C1QTNF7: variants seen among roughly 807,000 people sequenced by gnomAD.
The protein encoded by C1QTNF7 is complement C1q tumor necrosis factor-related protein 7.
A neutral mutation model predicts 19.6 loss-of-function variants in C1QTNF7; 15 were observed. That is an observed-to-expected ratio of 0.76 (90% CI 0.51 to 1.18). C1QTNF7 has a LOEUF of 1.18. Ranked by LOEUF, C1QTNF7 falls within the 50% of genes most tolerant of loss-of-function variation. C1QTNF7 has a pLI of 0.00. For synonymous variants in C1QTNF7, 142 were observed against 137.5 expected (o/e 1.03, Z -0.23); for missense variants, 324 against 359.7 (o/e 0.90, Z 0.80).
chr4:15,424,231 A>G (rs1470938190), upstream of C1QTNF7, among the ~76,000 whole-genome samples: 1 of 152,180 alleles, frequency 6.6e-6, no homozygotes, highest in African/African-American at 2.4e-5. Flanking sequence ...ATACTTGTCC[A>G]TCTCCATGGC....
intron 1 of C1QTNF7, among the ~76,000 whole-genome samples, chr4:15,367,740 G>T (rs1717577021): frequency 1.3e-5 from 2 of 152,106 alleles, no homozygotes; most frequent in Admixed American, 1.3e-4. Context: ...CAGTGGTAAA[G>T]ATTAATTAAG....
chr4:15,371,580 C>T (rs903731783), intron 1 of C1QTNF7, among the ~76,000 whole-genome samples: 1 of 152,028 alleles, frequency 6.6e-6, no homozygotes, highest in African/African-American at 2.4e-5. Flanking sequence ...TTGCTATAAC[C>T]ACTACAATAA....
Position 15,435,857 on chromosome 4 carries a change from C to T in C1QTNF7, c.114C>T (p.Gly38=), listed in dbSNP as rs761535694. 2 of 1,614,098 alleles carry T rather than the reference C, an allele frequency of 1.2e-6. No individual in the cohort carries two copies. Among genetic ancestry groups the T allele is most frequent in the East Asian group, 2.2e-5 (1 of 44,862 alleles). ...YSPRYICSIP[G]LPGPPGPPGA... is the part of the protein sequence containing the mutation. ...CCAGGTATATCTGCAGCATTCCTGG[C>T]TTGCCTGGACCTCCAGGGCCCCCTG... Residue 38 remains glycine (G), a synonymous_variant, in exon 2 of 3, where the codon GGC becomes GGT. Transcript: ENST00000444304.
upstream of C1QTNF7, among the ~76,000 whole-genome samples, chr4:15,423,777 C>T (rs1711902581): frequency 6.6e-6 from 1 of 152,208 alleles, no homozygotes; most frequent in Non-Finnish European, 1.5e-5. Context: ...TTCTCTCAGC[C>T]TGGATGTGTT....
chr4:15,384,720 T>G (rs141770168), intron 1 of C1QTNF7, among the ~76,000 whole-genome samples: 7 of 152,356 alleles, frequency 4.6e-5, no homozygotes, highest in Admixed American at 2.0e-4. Flanking sequence ...AAGCATAAAC[T>G]TTACTGGGCC....
intron 1 of C1QTNF7, among the ~76,000 whole-genome samples, chr4:15,387,152 C>G (rs1718368958): frequency 6.6e-6 from 1 of 152,124 alleles, no homozygotes; most frequent in South Asian, 2.1e-4. Flanking sequence ...AAAGGAGAAT[C>G]AAAGGGGACT....
intron 1 of C1QTNF7, among the ~76,000 whole-genome samples, chr4:15,352,397 C>T (rs187343326): frequency 6.6e-6 from 1 of 152,238 alleles, no homozygotes; most frequent in East Asian, 1.9e-4. Context: ...CCCCAAGGCC[C>T]ACGGTCTTTT....
intron 1 of C1QTNF7, among the ~76,000 whole-genome samples, chr4:15,350,357 A>AAGGAG (rs1716893077): frequency 2.1e-5 from 1 of 48,678 alleles, no homozygotes; most frequent in African/African-American, 1.4e-4. Flanking sequence ...GGAGGGAGGG[A>AAGGAG]GGAAGGAAAA....
intron 1 of C1QTNF7, among the ~76,000 whole-genome samples, chr4:15,395,832 G>A (rs1287370164): frequency 6.6e-6 from 1 of 152,158 alleles, no homozygotes; most frequent in Non-Finnish European, 1.5e-5. Context: ...ATGAAGCTGG[G>A]AGGGGTAAGT....
At chr4:15,366,759 C>T (rs1717537984) in intron 1 of C1QTNF7, among the ~76,000 whole-genome samples, 1 of 152,160 alleles carries the variant, frequency 6.6e-6, no homozygotes, top group African/African-American at 2.4e-5. Context: ...TGGACTAAAA[C>T]AAGCAAGCCT....
upstream of C1QTNF7, among the ~76,000 whole-genome samples, chr4:15,424,460 G>T (rs1415245478): frequency 6.6e-6 from 1 of 152,156 alleles, no homozygotes; most frequent in African/African-American, 2.4e-5. Flanking sequence ...CGGGGTGAAG[G>T]TGTTCCTTGG....
intron 1 of C1QTNF7, among the ~76,000 whole-genome samples, chr4:15,379,106 T>C (rs12642147): frequency 0.13 from 19,648 of 152,242 alleles, 1,600 homozygotes; most frequent in East Asian, 0.39. Context: ...GTACTGTTAT[T>C]TTTTGCTTAC....
At chr4:15,422,726 T>C (rs1328080454) in intron 1 of C1QTNF7, among the ~76,000 whole-genome samples, 1 of 152,170 alleles carries the variant, frequency 6.6e-6, no homozygotes, top group Non-Finnish European at 1.5e-5. Context: ...CACCTCAGCC[T>C]TCTGAGTAGA....
chr4:15,379,428 G>A (rs1718063571), intron 1 of C1QTNF7, among the ~76,000 whole-genome samples: 1 of 152,314 alleles, frequency 6.6e-6, no homozygotes, highest in South Asian at 2.1e-4. Flanking sequence ...ACATATATTA[G>A]CTCTGAACCA....
At chr4:15,364,915 CT>C (rs1412383125) in intron 1 of C1QTNF7, among the ~76,000 whole-genome samples, 1 of 152,064 alleles carries the variant, frequency 6.6e-6, no homozygotes. Flanking sequence ...TAAATAATCT[CT>C]TTTTTTGTGA....
chr4:15,433,915 C>T (rs775533141), intron 1 of C1QTNF7, among the ~76,000 whole-genome samples: 88 of 152,302 alleles, frequency 5.8e-4, no homozygotes, highest in Middle Eastern at 3.4e-3. Flanking sequence ...CCTTTCACAA[C>T]GGAGAGAGAA....
intron 1 of C1QTNF7, among the ~76,000 whole-genome samples, chr4:15,396,465 T>C (rs879409045): frequency 6.6e-6 from 1 of 152,196 alleles, no homozygotes; most frequent in Non-Finnish European, 1.5e-5. Context: ...GTGTTAATCA[T>C]GATCTGGGGG....
At chr4:15,344,388 A>G (rs1716646611) in intron 1 of C1QTNF7, among the ~76,000 whole-genome samples, 1 of 152,234 alleles carries the variant, frequency 6.6e-6, no homozygotes, top group Non-Finnish European at 1.5e-5. Flanking sequence ...GGCAAGAGAC[A>G]GCAGCAGTGG....
chr4:15,340,520 A>G (rs1249753535), intron 1 of C1QTNF7, among the ~76,000 whole-genome samples: 1 of 152,148 alleles, frequency 6.6e-6, no homozygotes, highest in Non-Finnish European at 1.5e-5. Context: ...GTGTGGTGAC[A>G]GGCTAACTTA....
Sources: gnomAD v4.1 joint callset for allele counts (sites outside exome capture counted in the v4.1 genomes callset) on GRCh38, gnomAD v4.1.1 for gene constraint, MANE v1.5 for transcripts, NCBI Gene and HGNC (gene_info 2026-07-23, HGNC 2026-07-21) for gene names.